Variants in METTL15 observed in about 807,000 individuals in gnomAD.
METTL15 encodes the protein 12S rRNA N(4)-cytidine methyltransferase METTL15.
METTL15 carries 34 observed loss-of-function variants against 38.3 expected under a neutral mutation model. That is an observed-to-expected ratio of 0.89 (90% CI 0.68 to 1.18). The LOEUF is 1.18. METTL15 is among the 50% of genes most tolerant of loss of function. The pLI, the probability that METTL15 is intolerant of heterozygous loss-of-function variation, is 0.00. For synonymous variants in METTL15, 162 were observed against 170.9 expected, an observed-to-expected ratio of 0.95 and a Z score of 0.41; for missense variants, 438 against 498.4, an observed-to-expected ratio of 0.88 and a Z score of 1.15.
intron 1 of METTL15, 67 bp from the exon 2 acceptor site, chr11:28,110,099 A>C (rs960616767): frequency 6.6e-6 from 1 of 152,290 alleles, no homozygotes; most frequent in African/African-American, 2.4e-5. Flanking sequence ...AGACCAAAAA[A>C]TAAAAATGGA....
At chr11:28,430,891 G>C (rs1253264843) in intron 6 of METTL15, among the ~76,000 whole-genome samples, 1 of 118,844 alleles carries the variant, frequency 8.4e-6, no homozygotes, top group Non-Finnish European at 1.8e-5. Context: ...CGCCCCGTCC[G>C]GGAGGGAGGT....
At chr11:28,360,765 G>C (rs1005623144) in intron 4 of METTL15, among the ~76,000 whole-genome samples, 1 of 150,698 alleles carries the variant, frequency 6.6e-6, no homozygotes, top group African/African-American at 2.4e-5. Flanking sequence ...CCATTAACTC[G>C]TCATTTAGCA....
chr11:28,354,818 A>G (rs1358809205), intron 4 of METTL15, among the ~76,000 whole-genome samples: 6 of 152,174 alleles, frequency 3.9e-5, no homozygotes, highest in African/African-American at 1.4e-4. Context: ...CCCTTCGTGT[A>G]TGTTTTGAGT....
At chr11:28,229,756 AT>A (rs1332673608) in intron 4 of METTL15, among the ~76,000 whole-genome samples, 1 of 151,986 alleles carries the variant, frequency 6.6e-6, no homozygotes, top group Admixed American at 6.6e-5. Context: ...CCAGTCTAAG[AT>A]GTTTTGTTGT....
At chr11:28,218,273 C>T (rs1853003631) in intron 4 of METTL15, among the ~76,000 whole-genome samples, 1 of 152,200 alleles carries the variant, frequency 6.6e-6, no homozygotes, top group Non-Finnish European at 1.5e-5. Flanking sequence ...AAGTGCTTCA[C>T]ATCCCTTGTA....
At chr11:28,281,578 G>C (rs1039505344) in intron 4 of METTL15, among the ~76,000 whole-genome samples, 5 of 152,144 alleles carry the variant, frequency 3.3e-5, no homozygotes, top group Admixed American at 3.3e-4. Flanking sequence ...TTGCTCTCTG[G>C]AAGAGTTGGT....
intron 3 of METTL15, among the ~76,000 whole-genome samples, chr11:28,199,560 A>G (rs767100227): frequency 3.9e-4 from 60 of 152,236 alleles, no homozygotes; most frequent in Middle Eastern, 3.4e-3. Context: ...CTTGGCCAGT[A>G]CAACACTAAT....
At chr11:28,525,603 C>A (rs1851803661) in intron 6 of METTL15, among the ~76,000 whole-genome samples, 1 of 152,120 alleles carries the variant, frequency 6.6e-6, no homozygotes, top group Non-Finnish European at 1.5e-5. Flanking sequence ...TTGAGCTAGA[C>A]ACAGAGTGCT....
chr11:28,259,971 T>C (rs1441082409), intron 4 of METTL15, among the ~76,000 whole-genome samples: 1 of 152,240 alleles, frequency 6.6e-6, no homozygotes, highest in Non-Finnish European at 1.5e-5. Flanking sequence ...TTCTGATTAC[T>C]TTAAAATATA....
chr11:28,475,541 G>A (rs1851338838), intron 6 of METTL15, among the ~76,000 whole-genome samples: 1 of 152,094 alleles, frequency 6.6e-6, no homozygotes, highest in Non-Finnish European at 1.5e-5. Flanking sequence ...GACACATCCT[G>A]GTACCCTACT....
chr11:28,243,878 C>T (rs1402512832), intron 4 of METTL15, among the ~76,000 whole-genome samples: 1 of 152,100 alleles, frequency 6.6e-6, no homozygotes, highest in Non-Finnish European at 1.5e-5. Flanking sequence ...CTACAAAACA[C>T]TGGCATAAAA....
intron 5 of METTL15, among the ~76,000 whole-genome samples, chr11:28,381,788 G>A (rs1850388927): frequency 6.6e-6 from 1 of 152,106 alleles, no homozygotes; most frequent in Non-Finnish European, 1.5e-5. Flanking sequence ...GGAAATCACT[G>A]AGCTTCCTTA....
At chr11:28,438,994 C>G (rs1248223392) in intron 6 of METTL15, among the ~76,000 whole-genome samples, 2 of 144,198 alleles carry the variant, frequency 1.4e-5, no homozygotes, top group Non-Finnish European at 1.5e-5. Flanking sequence ...ATTTTTAAAA[C>G]CATTAATTGT....
intron 3 of METTL15, among the ~76,000 whole-genome samples, chr11:28,188,205 T>C (rs1331655084): frequency 6.6e-6 from 1 of 151,362 alleles, no homozygotes; most frequent in African/African-American, 2.4e-5. Context: ...ACCAGCCTAT[T>C]GCTGACATTT....
chr11:28,138,939 A>G (rs1316879563), intron 3 of METTL15, among the ~76,000 whole-genome samples: 1 of 152,214 alleles, frequency 6.6e-6, no homozygotes, highest in Non-Finnish European at 1.5e-5. Flanking sequence ...GATTGGCTAC[A>G]GCCTAAGACT....
chr11:28,198,628 C>A (rs773200278), intron 3 of METTL15, among the ~76,000 whole-genome samples: 1 of 151,974 alleles, frequency 6.6e-6, no homozygotes, highest in South Asian at 2.1e-4. Flanking sequence ...TTTGTATAAG[C>A]CCATATAATA....
At position 28,110,277 on chromosome 11, in the gene METTL15, T is replaced by G. The variant is rs1327312303; in HGVS notation, c.-142T>G. On this transcript the variant is annotated 5_prime_UTR_variant, in exon 2 of 7. Transcript: ENST00000407364. ...TGCTTGGGCGGACGTGGACCCAATC[T>G]GTCCGTCCTTACAAGTTTCCCCCAG... is the stretch of plus-strand genomic sequence containing the variant. The G allele has an allele frequency of 6.6e-6, 1 of 152,220 alleles. No homozygotes were observed. Among genetic ancestry groups the G allele is most frequent in the Non-Finnish European group, 1.5e-5 (1 of 68,066 alleles). 9.4% of individuals were successfully genotyped at this position (152,220 alleles called of 1,614,324 possible). A position where few individuals can be genotyped will look rare whatever the true frequency, so the allele number is the denominator to read the frequency against.
intron 6 of METTL15, among the ~76,000 whole-genome samples, chr11:28,434,681 A>T (rs1370197085): frequency 2.0e-5 from 3 of 152,228 alleles, no homozygotes; most frequent in Non-Finnish European, 4.4e-5. Context: ...GCTGTGTGAC[A>T]TAAACTTAGT....
intron 5 of METTL15, among the ~76,000 whole-genome samples, chr11:28,370,829 G>T (rs1402028613): frequency 6.6e-6 from 1 of 151,838 alleles, no homozygotes; most frequent in East Asian, 1.9e-4. Context: ...TTATATACCT[G>T]TTGGTCATTG....
Sources: allele counts gnomAD v4.1 joint callset (sites outside exome capture counted in the v4.1 genomes callset), GRCh38; gene constraint gnomAD v4.1.1; transcripts MANE v1.5; gene names NCBI Gene and HGNC (gene_info 2026-07-23, HGNC 2026-07-21).